GBE1: variants seen among roughly 807,000 people sequenced by gnomAD.
The protein encoded by GBE1 is 1,4-alpha-glucan branching enzyme 1, also known as 1,4-alpha-glucan-branching enzyme.
Under a neutral mutation model 88.8 loss-of-function variants are expected in GBE1, and 70 were observed. That is an observed-to-expected ratio of 0.79 (90% CI 0.65 to 0.96). The LOEUF (loss-of-function observed/expected upper bound fraction) is 0.96, where lower values mean the gene tolerates loss of function less well. GBE1 is among the 40% of genes least tolerant of loss of function. The probability of loss-of-function intolerance (pLI) is 0.00; values close to 1 mark genes in which losing one functional copy is unlikely to be tolerated. For missense variants in GBE1, 872 were observed against 871.0 expected (o/e 1.00, Z -0.01); for synonymous variants, 284 against 300.1 (o/e 0.95, Z 0.56).
intron 1 of GBE1, among the ~76,000 whole-genome samples, chr3:81,730,265 A>G (rs572874572): frequency 6.6e-6 from 1 of 152,284 alleles, no homozygotes; most frequent in African/African-American, 2.4e-5. Context: ...TGGGTAGGAA[A>G]CAGCTTGACG....
intron 7 of GBE1, among the ~76,000 whole-genome samples, chr3:81,637,238 T>C (rs1445898936): frequency 1.3e-5 from 2 of 152,158 alleles, no homozygotes; most frequent in Non-Finnish European, 2.9e-5. Context: ...AAGGTACCTA[T>C]ATGATGAAGT....
At chr3:81,505,332 A>G (rs2106819332) in intron 14 of GBE1, among the ~76,000 whole-genome samples, 1 of 152,360 alleles carries the variant, frequency 6.6e-6, no homozygotes, top group Non-Finnish European at 1.5e-5. Context: ...ATTAATGGAA[A>G]TGTAAACAAA....
chr3:81,671,928 C>A (rs942960511), intron 2 of GBE1, among the ~76,000 whole-genome samples: 2 of 151,644 alleles, frequency 1.3e-5, no homozygotes, highest in Admixed American at 1.3e-4. Context: ...GAGAGAGCAT[C>A]CATAATACAT....
chr3:81,693,565 C>T (rs1705551756), intron 2 of GBE1, among the ~76,000 whole-genome samples: 1 of 152,098 alleles, frequency 6.6e-6, no homozygotes. Flanking sequence ...TTGTGCATTG[C>T]TTGAATTTCC....
chr3:81,566,160 T>C (rs9866374), intron 12 of GBE1, among the ~76,000 whole-genome samples: 51,864 of 151,946 alleles, frequency 0.34, 9,342 homozygotes, highest in East Asian at 0.47. Context: ...TCACTACAAC[T>C]TCTGTTCTAA....
chr3:81,703,682 T>A (rs933957006), intron 2 of GBE1, among the ~76,000 whole-genome samples: 4 of 152,012 alleles, frequency 2.6e-5, no homozygotes, highest in Non-Finnish European at 4.4e-5. Context: ...TTAAGTGCAG[T>A]CTGCCCTCAA....
At chr3:81,510,624 T>C (rs820269) in intron 14 of GBE1, among the ~76,000 whole-genome samples, 56,286 of 151,802 alleles carry the variant, frequency 0.37, 11,612 homozygotes, top group South Asian at 0.55. Context: ...ATTTAAAAAA[T>C]TGGGTACATT....
intron 7 of GBE1, among the ~76,000 whole-genome samples, chr3:81,607,331 A>G (rs575844595): frequency 6.6e-6 from 1 of 152,262 alleles, no homozygotes; most frequent in Non-Finnish European, 1.5e-5. Flanking sequence ...TGGGTGGATC[A>G]TGAGGTCAGG....
At chr3:81,552,462 A>G (rs1037654503) in intron 12 of GBE1, among the ~76,000 whole-genome samples, 2 of 138,996 alleles carry the variant, frequency 1.4e-5, no homozygotes, top group African/African-American at 5.3e-5. Flanking sequence ...GGTTGCAGTG[A>G]GCTGAGATTG....
At chr3:81,603,759 G>C (rs1029976876) in intron 7 of GBE1, among the ~76,000 whole-genome samples, 10 of 151,992 alleles carry the variant, frequency 6.6e-5, no homozygotes, top group African/African-American at 2.4e-4. Flanking sequence ...GCCTCCCAAA[G>C]TGCTGGGATT....
intron 15 of GBE1, among the ~76,000 whole-genome samples, chr3:81,497,265 C>T (rs7649028): frequency 0.3 from 45,219 of 151,948 alleles, 7,005 homozygotes; most frequent in East Asian, 0.43. Flanking sequence ...AGAAGATCAT[C>T]TCCCCAAAGC....
At position 81,563,724 on chromosome 3, in the gene GBE1, A is replaced by G. The variant is rs538247554; in HGVS notation, c.1618+14201T>C. Among the ~76,000 whole-genome samples, 126 of 152,246 alleles carry G rather than the reference A, an allele frequency of 8.3e-4. 1 individual carries two copies. Among genetic ancestry groups the G allele is most frequent in the Admixed American group, 5.2e-4 (8 of 15,260 alleles). On this transcript the variant is annotated intron_variant, in intron 12 of 15. Coordinates refer to ENST00000429644, the MANE Select transcript of GBE1 (RefSeq NM_000158.4). ...AAAATGCTAGGTAATTAAGTAATAA[A>G]TAAGGCTTGATAAAAGTTTATATAT...
At chr3:81,617,953 T>A (rs1485173387) in intron 7 of GBE1, among the ~76,000 whole-genome samples, 4 of 152,034 alleles carry the variant, frequency 2.6e-5, no homozygotes, top group Admixed American at 6.5e-5. Context: ...AGCGTTTTTT[T>A]AGAAATAGAT....
intron 1 of GBE1, among the ~76,000 whole-genome samples, chr3:81,727,120 C>T (rs565971747): frequency 1.6e-3 from 246 of 152,220 alleles, no homozygotes; most frequent in African/African-American, 5.7e-3. Flanking sequence ...AGTTCAATGT[C>T]CAGGATACTT....
intron 7 of GBE1, among the ~76,000 whole-genome samples, chr3:81,597,531 T>C (rs1005082276): frequency 1.3e-5 from 2 of 148,374 alleles, no homozygotes; most frequent in African/African-American, 4.9e-5. Context: ...TGAATGTGTT[T>C]AAGAAGTAGC....
chr3:81,585,963 G>C, intron 10 of GBE1, 129 bp downstream of exon 10: 1 of 553,090 alleles, frequency 1.8e-6, no homozygotes, highest in Non-Finnish European at 3.1e-6. Context: ...AGAATCGACA[G>C]ACTAATGAAA....
intron 1 of GBE1, among the ~76,000 whole-genome samples, chr3:81,748,352 C>T (rs1014256405): frequency 1.3e-5 from 2 of 151,892 alleles, no homozygotes; most frequent in Admixed American, 1.3e-4. Flanking sequence ...TGGCTCACGC[C>T]TATAATTACA....
intron 1 of GBE1, among the ~76,000 whole-genome samples, chr3:81,727,232 C>T (rs1706125902): frequency 6.6e-6 from 1 of 152,124 alleles, no homozygotes; most frequent in Admixed American, 6.5e-5. Flanking sequence ...CATTTTCTTC[C>T]CTTGGTGCAA....
chr3:81,646,123 C>T (rs936872611), intron 6 of GBE1, among the ~76,000 whole-genome samples: 6 of 152,134 alleles, frequency 3.9e-5, no homozygotes, highest in African/African-American at 1.4e-4. Flanking sequence ...CTGACTAAAA[C>T]GTGGGCTCCA....
Sources: gnomAD v4.1 joint callset for allele counts (sites outside exome capture counted in the v4.1 genomes callset) on GRCh38, gnomAD v4.1.1 for gene constraint, MANE v1.5 for transcripts, NCBI Gene and HGNC (gene_info 2026-07-23, HGNC 2026-07-21) for gene names.